Variants in WIPF2 observed in about 807,000 individuals in gnomAD.
WIPF2 encodes WAS/WASL interacting protein family member 2.
In WIPF2, 23 loss-of-function variants were observed where a neutral mutation model predicts 38.8. The observed-to-expected ratio is 0.59, with a 90% CI of 0.43 to 0.84. WIPF2 has a LOEUF of 0.84. WIPF2 is among the 40% of genes least tolerant of loss of function. The probability of loss-of-function intolerance (pLI) is 0.00; values close to 1 mark genes in which losing one functional copy is unlikely to be tolerated. For synonymous variants in WIPF2, 210 were observed against 223.2 expected (o/e 0.94, Z 0.53); for missense variants, 574 against 580.5 (o/e 0.99, Z 0.11).
intron 1 of WIPF2, among the ~76,000 whole-genome samples, chr17:40,243,887 AT>A (rs910829135): frequency 2.0e-5 from 3 of 151,956 alleles, no homozygotes; most frequent in African/African-American, 7.3e-5. Context: ...GATCAGTCAG[AT>A]TTGCTGCATA....
rs1178700021 is a variant in WIPF2 at position 40,260,630 on chromosome 17, G to T, written c.159G>T (p.Val53=). The stretch of plus-strand genomic sequence containing the variant: ...GCAAAGGGACCAAGCTGAAGAAGGT[G>T]ACCAACATTAATGATCGGAGTGCTC... ...DICKGTKLKK[V]TNINDRSAPI... Residue 53 remains valine, a synonymous_variant, in exon 3 of 8, where the codon GTG becomes GTT. Coordinates refer to ENST00000323571, the MANE Select transcript of WIPF2 (RefSeq NM_133264.5). 1 of 1,613,748 alleles carries T rather than the reference G, an allele frequency of 6.2e-7. No individual in the cohort carries two copies. Among genetic ancestry groups the T allele is most frequent in the African/African-American group, 1.3e-5 (1 of 74,856 alleles).
At chr17:40,268,804 C>T (rs531708826) in intron 5 of WIPF2, among the ~76,000 whole-genome samples, 1 of 152,170 alleles carries the variant, frequency 6.6e-6, no homozygotes, top group East Asian at 1.9e-4. Flanking sequence ...TTGAGTATTG[C>T]CTCGATTTGT....
chr17:40,231,261 C>A (rs1212847629), intron 1 of WIPF2, among the ~76,000 whole-genome samples: 1 of 152,062 alleles, frequency 6.6e-6, no homozygotes, highest in African/African-American at 2.4e-5. Context: ...TGAGTTGGGA[C>A]TTAATATATT....
At chr17:40,227,191 C>A (rs2030530534) in intron 1 of WIPF2, among the ~76,000 whole-genome samples, 2 of 151,854 alleles carry the variant, frequency 1.3e-5, no homozygotes, top group Admixed American at 1.3e-4. Context: ...CAGGTGTGTG[C>A]CACCACGTCC....
intron 1 of WIPF2, among the ~76,000 whole-genome samples, chr17:40,242,643 C>T (rs184964303): frequency 1.5e-3 from 227 of 152,248 alleles, no homozygotes; most frequent in Non-Finnish European, 2.5e-3. Context: ...CTTAGGTAAT[C>T]CACCTGCCTC....
chr17:40,242,565 A>C (rs1439871501), intron 1 of WIPF2, among the ~76,000 whole-genome samples: 1 of 151,994 alleles, frequency 6.6e-6, no homozygotes, highest in African/African-American at 2.4e-5. Context: ...ACGCCTGGCT[A>C]ATTTTTTTGT....
intron 5 of WIPF2, among the ~76,000 whole-genome samples, chr17:40,268,250 G>T (rs1598496564): frequency 6.6e-6 from 1 of 152,342 alleles, no homozygotes; most frequent in South Asian, 2.1e-4. Flanking sequence ...TACTCTAGCA[G>T]CTGGCCATCT....
In WIPF2 at chr17:40,283,250, T is replaced by C. The variant is rs1423343227; in HGVS notation, c.*5025T>C. 1 of 150,518 alleles carries C rather than the reference T, an allele frequency of 6.6e-6. No individual in the cohort carries two copies. Among genetic ancestry groups the C allele is most frequent in the Non-Finnish European group, 1.5e-5 (1 of 67,866 alleles). 9.3% of individuals were successfully genotyped at this position (150,518 alleles called of 1,614,324 possible). On this transcript the variant is annotated 3_prime_UTR_variant, in exon 8 of 8. Transcript: ENST00000323571. Reference sequence around the variant, plus strand: ...TCTGATGGTCCTTATTTTATTATTATTATTATTTTTTTTTGAGACAGGATG... The same window carrying C: ...TCTGATGGTCCTTATTTTATTATTACTATTATTTTTTTTTGAGACAGGATG...
Position 40,256,300 on chromosome 17 carries a change from CTT to C in WIPF2, c.-69-88_-69-87del, listed in dbSNP as rs376013206. ...AACTAAAAGATAAGGTGTTCAGTCT[CTT>C]TTGATTACCATGCCCAGTTCTCTCA... On this transcript the variant is annotated intron_variant, in intron 1 of 7. Coordinates refer to ENST00000323571, the MANE Select transcript of WIPF2 (RefSeq NM_133264.5). 7.9e-3 allele frequency: 8,278 copies of C among 1,047,918 alleles called. 49 individuals are homozygous for C. Among genetic ancestry groups the C allele is most frequent in the Non-Finnish European group, 1.0e-2 (7,319 of 734,444 alleles). 64.9% of individuals were successfully genotyped at this position (1,047,918 alleles called of 1,614,324 possible). A position where few individuals can be genotyped will look rare whatever the true frequency, so the allele number is the denominator to read the frequency against.
At chr17:40,260,982 C>T (rs949297598) in intron 3 of WIPF2, 27 of 363,420 alleles carry the variant, frequency 7.4e-5, no homozygotes, top group South Asian at 4.0e-4. Context: ...CATGTCACTG[C>T]GCCACTGCAC....
rs1231605132 is a variant in WIPF2 at position 40,279,521 on chromosome 17, A to G, written c.*1296A>G. 1 of 152,630 alleles carries G rather than the reference A, an allele frequency of 6.6e-6. No homozygotes were observed. Among genetic ancestry groups the G allele is most frequent in the African/African-American group, 2.4e-5 (1 of 41,432 alleles). The allele number at this position is 152,630 out of a possible 1,614,324, so 9.5% of individuals were successfully genotyped here. The stretch of plus-strand genomic sequence containing the variant: ...GTTGAGATTTGCCTCAGTTCAGTAG[A>G]TCTTCCTTGGCAGCCAGCCATAGGT... On this transcript the variant is annotated 3_prime_UTR_variant, in exon 8 of 8. Coordinates refer to ENST00000323571, the MANE Select transcript of WIPF2 (RefSeq NM_133264.5).
At chr17:40,242,197 G>A (rs968241875) in intron 1 of WIPF2, among the ~76,000 whole-genome samples, 8 of 152,284 alleles carry the variant, frequency 5.3e-5, no homozygotes, top group African/African-American at 1.7e-4. Flanking sequence ...GAGCAACATA[G>A]TGAGATCCTG....
At chr17:40,266,407 G>T (rs1255102608) in intron 5 of WIPF2, among the ~76,000 whole-genome samples, 2 of 152,168 alleles carry the variant, frequency 1.3e-5, no homozygotes, top group Non-Finnish European at 2.9e-5. Flanking sequence ...GGTCAGCTGT[G>T]CCCAGTGCTG....
intron 6 of WIPF2, 111 bp downstream of exon 6, chr17:40,274,110 T>C (rs1308020360): frequency 1.2e-6 from 1 of 856,788 alleles, no homozygotes; most frequent in Non-Finnish European, 1.8e-6. Context: ...ATGGGATCCT[T>C]TGTTCACAAT....
chr17:40,244,631 T>C (rs984777772), intron 1 of WIPF2, among the ~76,000 whole-genome samples: 1 of 152,180 alleles, frequency 6.6e-6, no homozygotes, highest in African/African-American at 2.4e-5. Flanking sequence ...TCTTTGGTTT[T>C]ACAGTGTTGG....
At chr17:40,243,184 C>G (rs1422678383) in intron 1 of WIPF2, among the ~76,000 whole-genome samples, 3 of 152,126 alleles carry the variant, frequency 2.0e-5, no homozygotes, top group Admixed American at 2.0e-4. Context: ...AGGTAGTCTT[C>G]CGAATTTACA....
In WIPF2 at chr17:40,278,449, C is replaced by T; in HGVS notation, c.*224C>T. On this transcript the variant is annotated 3_prime_UTR_variant, in exon 8 of 8. Transcript: ENST00000323571. ...GACAGTAGGATCTCAAACCCTGCAT[C>T]CATCCTTCCTCCAGCAAGCCCTGCT... The T allele has an allele frequency of 1.8e-6, 1 of 546,242 alleles. No homozygotes were observed. Among genetic ancestry groups the T allele is most frequent in the Non-Finnish European group, 3.2e-6 (1 of 309,682 alleles). 33.8% of individuals were successfully genotyped at this position (546,242 alleles called of 1,614,324 possible).
At chr17:40,276,520 CAAAAAAAAAAA>C (rs1160459322) in intron 6 of WIPF2, among the ~76,000 whole-genome samples, 2 of 71,626 alleles carry the variant, frequency 2.8e-5, no homozygotes, top group East Asian at 4.3e-4. Flanking sequence ...GACTCCGTCT[CAAAAAAAAAAA>C]AAAAAAAAAA....
At chr17:40,249,616 GC>G (rs1258120859) in intron 1 of WIPF2, among the ~76,000 whole-genome samples, 3 of 151,684 alleles carry the variant, frequency 2.0e-5, no homozygotes, top group Non-Finnish European at 4.4e-5. Flanking sequence ...ACCATGCCCG[GC>G]TAATTTTGTA....
Sources: gnomAD v4.1 joint callset for allele counts (sites outside exome capture counted in the v4.1 genomes callset) on GRCh38, gnomAD v4.1.1 for gene constraint, MANE v1.5 for transcripts, NCBI Gene and HGNC (gene_info 2026-07-23, HGNC 2026-07-21) for gene names.